The following ANKS1B variants were observed in gnomAD, a reference collection of about 807,000 sequenced individuals.
The protein encoded by ANKS1B is ankyrin repeat and sterile alpha motif domain-containing protein 1B.
Under a neutral mutation model 148.3 loss-of-function variants are expected in ANKS1B, and 36 were observed. The ratio of observed to expected loss-of-function variants is 0.24; its 90% CI spans 0.19 to 0.32. The LOEUF (loss-of-function observed/expected upper bound fraction) is 0.32. Ranked by LOEUF, ANKS1B falls within the 10% of genes least tolerant of loss-of-function variation. The probability of loss-of-function intolerance (pLI) is 1.00; values close to 1 mark genes in which losing one functional copy is unlikely to be tolerated. For synonymous variants in ANKS1B, 542 were observed against 560.8 expected, an observed-to-expected ratio of 0.97 and a Z score of 0.47; for missense variants, 1,157 against 1,542.6, an observed-to-expected ratio of 0.75 and a Z score of 4.19.
chr12:99,559,678 A>G (rs1265190615), intron 9 of ANKS1B, among the ~76,000 whole-genome samples: 1 of 152,200 alleles, frequency 6.6e-6, no homozygotes, highest in African/African-American at 2.4e-5. Context: ...AGAAAAAGAA[A>G]CAGGTTCAGC....
intron 17 of ANKS1B, among the ~76,000 whole-genome samples, chr12:98,924,523 AC>A (rs1188110564): frequency 1.3e-5 from 2 of 151,818 alleles, no homozygotes; most frequent in South Asian, 2.1e-4. Flanking sequence ...CCCCCAAGCC[AC>A]CCTCTGTCTC....
chr12:98,921,843 C>T (rs1418458630), intron 17 of ANKS1B, among the ~76,000 whole-genome samples: 1 of 152,162 alleles, frequency 6.6e-6, no homozygotes, highest in Non-Finnish European at 1.5e-5. Flanking sequence ...ATAGAATTGT[C>T]CTTCCAGAAA....
intron 1 of ANKS1B, among the ~76,000 whole-genome samples, chr12:99,845,393 A>T (rs1565846952): frequency 6.6e-6 from 1 of 152,124 alleles, no homozygotes; most frequent in Non-Finnish European, 1.5e-5. Flanking sequence ...ATTTTGAGGT[A>T]TGTTCTTTCA....
chr12:99,595,630 G>A (rs2097751791), intron 9 of ANKS1B, among the ~76,000 whole-genome samples: 1 of 151,712 alleles, frequency 6.6e-6, no homozygotes, highest in African/African-American at 2.4e-5. Context: ...TTCCAAGGTC[G>A]TTCCTTTAAT....
In ANKS1B at chr12:99,963,379, C is replaced by A. The variant is rs1048565875; in HGVS notation, c.134+20725G>T. On this transcript the variant is annotated intron_variant, in intron 1 of 26. Coordinates refer to ENST00000683438, the MANE Select transcript of ANKS1B (RefSeq NM_001352186.2). ...AATTAGATCCCATTTGTCAAGAGTT[C>A]TCTTCTTAAGGTAGTAAAACTAAAA... 3.9e-5 allele frequency among the ~76,000 whole-genome samples: 6 copies of A among 152,138 alleles called. No homozygotes were observed. In the East Asian group the frequency reaches 1.2e-3, roughly 29 times the overall value.
Position 99,323,954 on chromosome 12 carries a change from C to A in ANKS1B, c.1756+75677G>T, listed in dbSNP as rs1214300888. ...ATTTATCTCATTTGTTTTTTGAGGG[C>A]GATGTACTTAAGTCTTTTGTATAGC... On this transcript the variant is annotated intron_variant, in intron 12 of 26. Coordinates refer to ENST00000683438, the MANE Select transcript of ANKS1B (RefSeq NM_001352186.2). Among the ~76,000 whole-genome samples, 8 of 151,938 alleles carry A rather than the reference C, an allele frequency of 5.3e-5. No individual in the cohort carries two copies. The East Asian group carries it at 1.5e-3, about 29-fold the overall frequency.
intron 17 of ANKS1B, among the ~76,000 whole-genome samples, chr12:98,906,632 T>C (rs2099779473): frequency 6.6e-6 from 1 of 152,198 alleles, no homozygotes; most frequent in African/African-American, 2.4e-5. Context: ...CCACTGTTGG[T>C]TGAAGGAACT....
At chr12:99,430,110 C>T (rs954080242) in intron 11 of ANKS1B, among the ~76,000 whole-genome samples, 1 of 150,148 alleles carries the variant, frequency 6.7e-6, no homozygotes, top group African/African-American at 2.4e-5. Context: ...AACTTCTCTG[C>T]AATTTTGTGA....
Position 99,445,029 on chromosome 12 carries a change from G to T in ANKS1B, c.1439-1220C>A, listed in dbSNP as rs545176742. Among the ~76,000 whole-genome samples, 2 of 152,092 alleles carry T rather than the reference G, an allele frequency of 1.3e-5. 1 individual carries two copies. The highest frequency in any genetic ancestry group is 4.1e-4 in the South Asian group (2 of 4,828). ...ACAAAAAATTCAAGTATGACACATA[G>T]AATTACTTGGATGACTCATAAAATA... On this transcript the variant is annotated intron_variant, in intron 10 of 26. Coordinates refer to ENST00000683438, the MANE Select transcript of ANKS1B (RefSeq NM_001352186.2).
At chr12:99,323,840 G>A (rs571407387) in intron 12 of ANKS1B, among the ~76,000 whole-genome samples, 2 of 152,248 alleles carry the variant, frequency 1.3e-5, no homozygotes, top group Admixed American at 1.3e-4. Flanking sequence ...AGACTAGAAA[G>A]GCAGTGAAGT....
At chr12:98,833,030 A>G (rs898039873) in intron 17 of ANKS1B, among the ~76,000 whole-genome samples, 2 of 152,196 alleles carry the variant, frequency 1.3e-5, no homozygotes, top group Non-Finnish European at 2.9e-5. Flanking sequence ...CTATTGGGGT[A>G]GACTCAGAGC....
At chr12:99,837,692 G>C (rs889979808) in intron 1 of ANKS1B, among the ~76,000 whole-genome samples, 10 of 152,144 alleles carry the variant, frequency 6.6e-5, no homozygotes, top group African/African-American at 2.4e-4. Flanking sequence ...GAACCAGGCT[G>C]CCTGATTCCA....
At chr12:99,525,104 T>C (rs1567272496) in intron 9 of ANKS1B, among the ~76,000 whole-genome samples, 4 of 140,862 alleles carry the variant, frequency 2.8e-5, no homozygotes, top group African/African-American at 1.2e-4. Context: ...AATACATTTG[T>C]GTTGTTTTTT....
chr12:99,804,749 A>G (rs1446458992), intron 4 of ANKS1B, among the ~76,000 whole-genome samples: 1 of 151,988 alleles, frequency 6.6e-6, no homozygotes, highest in Non-Finnish European at 1.5e-5. Flanking sequence ...CTATTTTCCA[A>G]CTCCTTGAAT....
intron 17 of ANKS1B, among the ~76,000 whole-genome samples, chr12:99,043,941 T>C (rs2153502110): frequency 6.6e-6 from 1 of 152,366 alleles, no homozygotes; most frequent in South Asian, 2.1e-4. Flanking sequence ...AAAAAAAATC[T>C]ATCTGGCTTT....
chr12:99,598,389 T>C (rs966049717), intron 9 of ANKS1B, among the ~76,000 whole-genome samples: 1 of 152,056 alleles, frequency 6.6e-6, no homozygotes, highest in Admixed American at 6.6e-5. Context: ...AGCTATCATT[T>C]TTACTTAGAT....
chr12:99,415,683 T>C (rs1347374375), intron 11 of ANKS1B, among the ~76,000 whole-genome samples: 1 of 152,040 alleles, frequency 6.6e-6, no homozygotes, highest in Non-Finnish European at 1.5e-5. Flanking sequence ...CGAGGATCCC[T>C]CCCATTGCCC....
chr12:99,185,545 C>T lies in ANKS1B; in HGVS notation c.2420-31150G>A, dbSNP rs531739110. On this transcript the variant is annotated intron_variant, in intron 14 of 26. Transcript: ENST00000683438. ...TTTCTGCATTTCTAACTGAGGTACC[C>T]GGTTTGTCTCATTGGGACGGTTAGA... 1.4e-4 allele frequency among the ~76,000 whole-genome samples: 21 copies of T among 152,204 alleles called. 1 individual carries two copies. Among genetic ancestry groups the T allele is most frequent in the African/African-American group, 3.6e-4 (15 of 41,528 alleles).
chr12:99,263,929 A>G (rs147161048), intron 12 of ANKS1B, among the ~76,000 whole-genome samples: 9 of 152,214 alleles, frequency 5.9e-5, no homozygotes, highest in South Asian at 2.1e-4. Context: ...ATACAATTAC[A>G]TATCTGAAAA....
Sources: allele counts gnomAD v4.1 joint callset (sites outside exome capture counted in the v4.1 genomes callset), GRCh38; gene constraint gnomAD v4.1.1; transcripts MANE v1.5; gene names NCBI Gene and HGNC (gene_info 2026-07-23, HGNC 2026-07-21).